The following CCSER1 variants were observed in gnomAD, a reference collection of about 807,000 sequenced individuals.
CCSER1 encodes the protein coiled-coil serine rich protein 1.
CCSER1 carries 41 observed loss-of-function variants against 82.0 expected under a neutral mutation model. The ratio of observed to expected loss-of-function variants is 0.50; its 90% CI spans 0.39 to 0.65. The LOEUF (loss-of-function observed/expected upper bound fraction) is 0.65. CCSER1 is among the 30% of genes least tolerant of loss of function. The probability of loss-of-function intolerance (pLI) is 0.00; values close to 1 mark genes in which losing one functional copy is unlikely to be tolerated. For synonymous variants in CCSER1, 414 were observed against 383.9 expected, an observed-to-expected ratio of 1.08 and a Z score of -0.92; for missense variants, 1,119 against 1,064.2, an observed-to-expected ratio of 1.05 and a Z score of -0.72.
At chr4:91,176,855 T>A (rs1031160516) in intron 10 of CCSER1, among the ~76,000 whole-genome samples, 3 of 152,184 alleles carry the variant, frequency 2.0e-5, no homozygotes, top group African/African-American at 4.8e-5. Flanking sequence ...TCCAACACTA[T>A]GTTGAATAGA....
At chr4:90,395,601 C>G (rs1284967098) in intron 3 of CCSER1, among the ~76,000 whole-genome samples, 1 of 150,606 alleles carries the variant, frequency 6.6e-6, no homozygotes, top group Non-Finnish European at 1.5e-5. Flanking sequence ...ACCCACCATA[C>G]TGGCCATAAT....
chr4:91,480,386 A>T (rs1165793598), intron 10 of CCSER1, among the ~76,000 whole-genome samples: 1 of 152,166 alleles, frequency 6.6e-6, no homozygotes, highest in South Asian at 2.1e-4. Flanking sequence ...CTATTTCTCC[A>T]CATCCTCTCC....
chr4:90,266,765 C>T (rs1366929986), intron 1 of CCSER1, among the ~76,000 whole-genome samples: 1 of 152,072 alleles, frequency 6.6e-6, no homozygotes, highest in Non-Finnish European at 1.5e-5. Flanking sequence ...ATTGCCCATT[C>T]CTGGGGTTGG....
chr4:90,836,346 CA>C (rs58727029), intron 8 of CCSER1, among the ~76,000 whole-genome samples: 4,785 of 146,604 alleles, frequency 0.033, 263 homozygotes, highest in African/African-American at 0.11. Context: ...ATTAGAAAAA[CA>C]AAAAAAAAAC....
intron 1 of CCSER1, among the ~76,000 whole-genome samples, chr4:90,131,028 G>A (rs1012355039): frequency 1.4e-5 from 2 of 147,664 alleles, no homozygotes; most frequent in Non-Finnish European, 3.0e-5. Context: ...ATGGAGTTTC[G>A]TTCTTGTCGC....
chr4:90,872,066 A>G (rs1766588021), intron 8 of CCSER1, among the ~76,000 whole-genome samples: 1 of 150,664 alleles, frequency 6.6e-6, no homozygotes, highest in Non-Finnish European at 1.5e-5. Flanking sequence ...TTTATGGGTG[A>G]AGTTTGTATC....
intron 10 of CCSER1, among the ~76,000 whole-genome samples, chr4:91,417,598 G>A (rs190319344): frequency 6.6e-6 from 1 of 152,034 alleles, no homozygotes; most frequent in East Asian, 1.9e-4. Flanking sequence ...GGAACAGAAA[G>A]CCAAACACTG....
intron 5 of CCSER1, among the ~76,000 whole-genome samples, chr4:90,485,262 G>C (rs975962731): frequency 2.0e-4 from 31 of 152,212 alleles, no homozygotes; most frequent in African/African-American, 7.5e-4. Flanking sequence ...AATTTTCCAG[G>C]TGCTGTCTGT....
At chr4:91,319,174 C>A in intron 10 of CCSER1, 1 of 207,288 alleles carries the variant, frequency 4.8e-6, no homozygotes, top group Non-Finnish European at 1.0e-5. Context: ...CATAAGTTTA[C>A]ATGAAGAATG....
chr4:90,695,962 A>G (rs1283329716), intron 6 of CCSER1, among the ~76,000 whole-genome samples: 2 of 152,222 alleles, frequency 1.3e-5, no homozygotes, highest in South Asian at 2.1e-4. Flanking sequence ...ACATTTTGAA[A>G]TGCAAATATT....
intron 10 of CCSER1, among the ~76,000 whole-genome samples, chr4:91,577,178 C>T (rs1011156947): frequency 1.3e-5 from 2 of 151,766 alleles, no homozygotes; most frequent in Admixed American, 1.3e-4. Flanking sequence ...AATGTGGTTT[C>T]CTCTGAGATT....
chr4:91,334,243 T>C (rs567872549), intron 10 of CCSER1, among the ~76,000 whole-genome samples: 1 of 152,204 alleles, frequency 6.6e-6, no homozygotes, highest in East Asian at 1.9e-4. Flanking sequence ...ATTTCTTATC[T>C]AACCAAAACT....
chr4:90,244,528 T>G (rs1721075664), intron 1 of CCSER1, among the ~76,000 whole-genome samples: 1 of 152,156 alleles, frequency 6.6e-6, no homozygotes, highest in African/African-American at 2.4e-5. Flanking sequence ...GGAAAGAGGT[T>G]TAATTGACTC....
At chr4:91,421,798 TA>T (rs1320174835) in intron 10 of CCSER1, among the ~76,000 whole-genome samples, 1 of 149,090 alleles carries the variant, frequency 6.7e-6, no homozygotes. Flanking sequence ...AATTAAAAAT[TA>T]AAAAAAGTTA....
chr4:91,308,642 T>A (rs1044024545), intron 10 of CCSER1, among the ~76,000 whole-genome samples: 1 of 152,038 alleles, frequency 6.6e-6, no homozygotes, highest in South Asian at 2.1e-4. Flanking sequence ...TGCACTAGCA[T>A]GCACATATTT....
intron 1 of CCSER1, among the ~76,000 whole-genome samples, chr4:90,200,892 G>A: frequency 6.6e-6 from 1 of 152,076 alleles, no homozygotes; most frequent in Non-Finnish European, 1.5e-5. Flanking sequence ...ATGTAGAGAT[G>A]AATAGGAAAT....
At chr4:90,984,992 C>T (rs1211713605) in intron 9 of CCSER1, among the ~76,000 whole-genome samples, 3 of 151,674 alleles carry the variant, frequency 2.0e-5, no homozygotes, top group Admixed American at 1.3e-4. Flanking sequence ...AGGCTCTGGC[C>T]AGCAGGAAAG....
At chr4:91,127,726 G>A (rs1028659860) in intron 10 of CCSER1, among the ~76,000 whole-genome samples, 1 of 151,970 alleles carries the variant, frequency 6.6e-6, no homozygotes, top group Non-Finnish European at 1.5e-5. Flanking sequence ...TCTACCTCCT[G>A]GAAGGATAAC....
intron 1 of CCSER1, among the ~76,000 whole-genome samples, chr4:90,198,181 C>G (rs1001197502): frequency 6.6e-6 from 1 of 152,134 alleles, no homozygotes; most frequent in African/African-American, 2.4e-5. Context: ...GTGATCAACT[C>G]AACCTTTGTT....
Sources: allele counts gnomAD v4.1 joint callset (sites outside exome capture counted in the v4.1 genomes callset), GRCh38; gene constraint gnomAD v4.1.1; transcripts MANE v1.5; gene names NCBI Gene and HGNC (gene_info 2026-07-23, HGNC 2026-07-21).